The following POU2AF1 variants were observed in gnomAD, a reference collection of about 807,000 sequenced individuals.
POU2AF1 encodes POU domain class 2-associating factor 1.
POU2AF1 carries 12 observed loss-of-function variants against 26.3 expected under a neutral mutation model. The ratio of observed to expected loss-of-function variants is 0.46; its 90% CI spans 0.29 to 0.74. POU2AF1 has a LOEUF of 0.74. POU2AF1 is among the 30% of genes least tolerant of loss of function. POU2AF1 has a pLI of 0.09. For synonymous variants in POU2AF1, 175 were observed against 148.0 expected (o/e 1.18, Z -1.32); for missense variants, 297 against 334.5 (o/e 0.89, Z 0.87).
At chr11:111,372,261 C>T (rs1307370170) in intron 1 of POU2AF1, among the ~76,000 whole-genome samples, 4 of 152,138 alleles carry the variant, frequency 2.6e-5, no homozygotes, top group African/African-American at 4.8e-5. Flanking sequence ...CTAGATCCTT[C>T]TCTGAGCCTT....
At position 111,354,442 on chromosome 11, in the gene POU2AF1, G is replaced by A; in HGVS notation, c.590C>T (p.Ala197Val). 6.2e-7 allele frequency: 1 copy of A among 1,614,082 alleles called. No homozygotes were observed. Among genetic ancestry groups the A allele is most frequent in the African/African-American group, 1.3e-5 (1 of 75,064 alleles). Residue 197 changes from alanine (A) to valine (V), a missense_variant, in exon 5 of 5, where the codon GCC becomes GTC. Transcript: ENST00000393067. ...PTSTLQYQPP[A>V]PALPGPQFVQ... ...AAACTGGGGCCCAGGTAGGGCTGGG[G>A]CCGGAGGCTGGTACTGCAGGGTGGA...
intron 1 of POU2AF1, among the ~76,000 whole-genome samples, chr11:111,362,113 C>T (rs1861021667): frequency 6.6e-6 from 1 of 152,190 alleles, no homozygotes; most frequent in Non-Finnish European, 1.5e-5. Context: ...ACCTGCCCTG[C>T]CACACTCAAC....
intron 1 of POU2AF1, among the ~76,000 whole-genome samples, chr11:111,368,835 A>G (rs544556509): frequency 1.5e-4 from 23 of 152,246 alleles, no homozygotes; most frequent in Non-Finnish European, 2.8e-4. Context: ...AATCATGAGA[A>G]CTGTATGAGA....
rs1860757845 is a variant in POU2AF1, at chr11:111,352,973, G to GGAAGGAAGGAAGGAAGGAAGGAAA, written c.*1287_*1288insTTTCCTTCCTTCCTTCCTTCCTTC. On this transcript the variant is annotated 3_prime_UTR_variant, in exon 5 of 5. Transcript: ENST00000393067. The stretch of plus-strand genomic sequence containing the variant: ...AAAGAAAGAAAGAGAGAGGAAGGAA[G>GGAAGGAAGGAAGGAAGGAAGGAAA]GAAGGAAGGAAGGAAGGAAAGAAGG... The GGAAGGAAGGAAGGAAGGAAGGAAA allele has an allele frequency of 1.6e-5, 1 of 63,700 alleles. No individual in the cohort carries two copies. Among genetic ancestry groups the GGAAGGAAGGAAGGAAGGAAGGAAA allele is most frequent in the African/African-American group, 9.4e-5 (1 of 10,590 alleles). The allele number at this position is 63,700 out of a possible 1,614,324, so 3.9% of individuals were successfully genotyped here. A position where few individuals can be genotyped will look rare whatever the true frequency, so the allele number is the denominator to read the frequency against.
At chr11:111,373,683 G>A (rs1332138198) in intron 1 of POU2AF1, among the ~76,000 whole-genome samples, 1 of 152,188 alleles carries the variant, frequency 6.6e-6, no homozygotes, top group African/African-American at 2.4e-5. Context: ...AAAGTGGTTA[G>A]GTGGCTTGCT....
At chr11:111,359,980 T>G (rs753771569) in intron 1 of POU2AF1, 2 of 519,022 alleles carry the variant, frequency 3.9e-6, no homozygotes, top group Non-Finnish European at 7.7e-6. Flanking sequence ...GGGTGATCCT[T>G]GTACCCTGGG....
At chr11:111,362,588 A>G (rs1439287951) in intron 1 of POU2AF1, among the ~76,000 whole-genome samples, 1 of 152,182 alleles carries the variant, frequency 6.6e-6, no homozygotes, top group East Asian at 1.9e-4. Context: ...TGCCTGGCTT[A>G]TTCCCTTCAC....
chr11:111,379,214 C>T lies in POU2AF1; in HGVS notation c.-37G>A. 1.2e-6 allele frequency: 2 copies of T among 1,613,990 alleles called. No individual in the cohort carries two copies. The highest frequency in any genetic ancestry group is 1.7e-6 in the Non-Finnish European group (2 of 1,179,868). ...GGATGTTGCCTTTTCTCTTTGAAGC[C>T]GACAGTTTGGCTTCTTTAATGTGAG... On this transcript the variant is annotated 5_prime_UTR_variant, in exon 1 of 5. Transcript: ENST00000393067.
In POU2AF1 at chr11:111,358,446, A is replaced by ACACACT. The variant is rs1555074405; in HGVS notation, c.147+341_147+342insAGTGTG. The stretch of plus-strand genomic sequence containing the variant: ...CTCACACTCTCACACTCACTCTCAC[A>ACACACT]CACACACACTCTCTCACACACATAC... On this transcript the variant is annotated intron_variant, in intron 2 of 4. Coordinates refer to ENST00000393067, the MANE Select transcript of POU2AF1 (RefSeq NM_006235.3). Among the ~76,000 whole-genome samples, 78 of 101,132 alleles carry ACACACT rather than the reference A, an allele frequency of 7.7e-4. 2 individuals carry two copies. The highest frequency in any genetic ancestry group is 2.5e-3 in the African/African-American group (71 of 27,890). 66.3% of individuals were successfully genotyped at this position (101,132 alleles called of 152,430 possible).
intron 1 of POU2AF1, chr11:111,363,726 A>AGAT (rs1257330003): frequency 2.9e-6 from 2 of 689,654 alleles, no homozygotes; most frequent in Non-Finnish European, 3.6e-6. Context: ...TCAGCAGAGA[A>AGAT]GATAGAAGCC....
At chr11:111,377,645 C>T in intron 1 of POU2AF1, 1 of 169,730 alleles carries the variant, frequency 5.9e-6, no homozygotes, top group South Asian at 2.0e-4. Context: ...AGGAAAGTGG[C>T]TTGCTCATAG....
At chr11:111,376,689 C>T (rs928229777) in intron 1 of POU2AF1, among the ~76,000 whole-genome samples, 3 of 152,092 alleles carry the variant, frequency 2.0e-5, no homozygotes, top group Non-Finnish European at 4.4e-5. Context: ...CAGCTCATGC[C>T]TCGAGGGTGT....
intron 1 of POU2AF1, among the ~76,000 whole-genome samples, chr11:111,375,683 G>A (rs867460281): frequency 1.1e-4 from 16 of 152,232 alleles, no homozygotes; most frequent in African/African-American, 3.1e-4. Context: ...ACAGGCGCCC[G>A]CCACCGCACC....
intron 1 of POU2AF1, among the ~76,000 whole-genome samples, chr11:111,359,595 A>C (rs1163684216): frequency 6.6e-6 from 1 of 152,212 alleles, no homozygotes; most frequent in East Asian, 1.9e-4. Context: ...TCTTTATCAA[A>C]GGAATATTGA....
intron 1 of POU2AF1, among the ~76,000 whole-genome samples, chr11:111,372,603 T>C (rs539369370): frequency 1.6e-4 from 24 of 152,340 alleles, no homozygotes; most frequent in Admixed American, 1.6e-3. Flanking sequence ...TGATTCAGTT[T>C]CCTCATCTAT....
rs371866302 is a variant in POU2AF1 at position 111,379,053 on chromosome 11, C to G, written c.16+109G>C. ...GGCTTGGAACCCAGACCCCCTCCCC[C>G]CGTGGCCCCATCACCTCCACCACCA... On this transcript the variant is annotated intron_variant, in intron 1 of 4. Transcript: ENST00000393067. 22 of 1,372,202 alleles carry G rather than the reference C, an allele frequency of 1.6e-5. 1 individual carries two copies. Among genetic ancestry groups the G allele is most frequent in the South Asian group, 7.0e-5 (6 of 85,652 alleles). 85.0% of individuals were successfully genotyped at this position (1,372,202 alleles called of 1,614,324 possible). A position where few individuals can be genotyped will look rare whatever the true frequency, so the allele number is the denominator to read the frequency against.
intron 1 of POU2AF1, among the ~76,000 whole-genome samples, chr11:111,375,335 G>A (rs1861286068): frequency 6.7e-6 from 1 of 148,250 alleles, no homozygotes; most frequent in Admixed American, 6.7e-5. Context: ...TGAATTGGCT[G>A]CAAGTTTTAT....
In POU2AF1 at chr11:111,354,459, C is replaced by T; in HGVS notation, c.573G>A (p.Leu191=). The T allele has an allele frequency of 6.2e-7, 1 of 1,613,510 alleles. No individual in the cohort carries two copies. The highest frequency in any genetic ancestry group is 8.5e-7 in the Non-Finnish European group (1 of 1,179,730). The change falls in exon 5 of 5, where the codon CTG becomes CTA. Residue 191 remains leucine, a synonymous_variant. Coordinates refer to ENST00000393067, the MANE Select transcript of POU2AF1 (RefSeq NM_006235.3). The part of the protein sequence containing the change: ...QPLSTLPTST[L]QYQPPAPALP... ...GGGCTGGGGCCGGAGGCTGGTACTG[C>T]AGGGTGGAGGTGGGTAGTGTGGAAA...
chr11:111,375,679 G>A (rs533253668), intron 1 of POU2AF1, among the ~76,000 whole-genome samples: 5 of 152,214 alleles, frequency 3.3e-5, no homozygotes, highest in East Asian at 1.9e-4. Flanking sequence ...GATTACAGGC[G>A]CCCGCCACCG....
Sources: allele counts gnomAD v4.1 joint callset (sites outside exome capture counted in the v4.1 genomes callset), GRCh38; gene constraint gnomAD v4.1.1; transcripts MANE v1.5; gene names NCBI Gene and HGNC (gene_info 2026-07-23, HGNC 2026-07-21).